The following CACNA1D variants were observed in gnomAD, a reference collection of about 807,000 sequenced individuals.
CACNA1D encodes the protein calcium voltage-gated channel subunit alpha1 D.
A neutral mutation model predicts 257.1 loss-of-function variants in CACNA1D; 55 were observed. That is an observed-to-expected ratio of 0.21 (90% CI 0.17 to 0.27). The LOEUF is 0.27. CACNA1D is among the 10% of genes least tolerant of loss of function. The pLI is 1.00. For missense variants in CACNA1D, 1,876 were observed against 2,784.0 expected (o/e 0.67, Z 7.34); for synonymous variants, 980 against 1,014.9 (o/e 0.97, Z 0.65).
At chr3:53,596,892 A>G (rs1423528967) in intron 3 of CACNA1D, among the ~76,000 whole-genome samples, 1 of 152,228 alleles carries the variant, frequency 6.6e-6, no homozygotes, top group African/African-American at 2.4e-5. Context: ...TCCTCTGGAT[A>G]TTAGTTGCTT....
intron 8 of CACNA1D, among the ~76,000 whole-genome samples, chr3:53,684,871 A>G (rs2094461551): frequency 6.6e-6 from 1 of 152,168 alleles, no homozygotes; most frequent in Non-Finnish European, 1.5e-5. Flanking sequence ...TTAAGGATGC[A>G]TATGATAATC....
chr3:53,739,367 C>A (rs1452669458), intron 20 of CACNA1D, among the ~76,000 whole-genome samples: 1 of 152,198 alleles, frequency 6.6e-6, no homozygotes, highest in African/African-American at 2.4e-5. Context: ...GTGGCCAAGA[C>A]CAACTCGCCT....
At chr3:53,728,652 A>G (rs1429790299) in intron 15 of CACNA1D, among the ~76,000 whole-genome samples, 1 of 152,224 alleles carries the variant, frequency 6.6e-6, no homozygotes. Context: ...TTGAATCTGC[A>G]GAGAAGTATT....
intron 3 of CACNA1D, among the ~76,000 whole-genome samples, chr3:53,614,590 A>C (rs530539359): frequency 6.6e-6 from 1 of 152,220 alleles, no homozygotes; most frequent in Non-Finnish European, 1.5e-5. Flanking sequence ...TTAAAGCGTC[A>C]CACTTTGCCA....
At chr3:53,698,046 T>C (rs1297486355) in intron 8 of CACNA1D, among the ~76,000 whole-genome samples, 3 of 152,240 alleles carry the variant, frequency 2.0e-5, no homozygotes, top group African/African-American at 7.2e-5. Context: ...CAGGCAGACC[T>C]AGGAAATATA....
At chr3:53,600,196 A>T (rs943636922) in intron 3 of CACNA1D, among the ~76,000 whole-genome samples, 1 of 152,252 alleles carries the variant, frequency 6.6e-6, no homozygotes, top group Non-Finnish European at 1.5e-5. Flanking sequence ...AGCATGTATC[A>T]TGAAGTTACT....
intron 9 of CACNA1D, among the ~76,000 whole-genome samples, chr3:53,705,138 C>G (rs1049756290): frequency 6.6e-6 from 1 of 152,080 alleles, no homozygotes; most frequent in Non-Finnish European, 1.5e-5. Context: ...AGAAGCTGAT[C>G]CCATTGTTAA....
intron 26 of CACNA1D, 132 bp downstream of exon 26, chr3:53,747,580 C>A: frequency 2.2e-6 from 2 of 893,424 alleles, no homozygotes; most frequent in South Asian, 1.4e-5. Context: ...AACCTTGGGC[C>A]ACTTCTCAGT....
At chr3:53,702,380 G>A (rs185533156) in intron 8 of CACNA1D, among the ~76,000 whole-genome samples, 1 of 152,296 alleles carries the variant, frequency 6.6e-6, no homozygotes, top group Non-Finnish European at 1.5e-5. Flanking sequence ...CCTTGAGATC[G>A]CTGTCATCGA....
chr3:53,795,466 A>G (rs988008540), intron 40 of CACNA1D, among the ~76,000 whole-genome samples: 2 of 152,228 alleles, frequency 1.3e-5, no homozygotes, highest in Non-Finnish European at 2.9e-5. Context: ...TGTCACAGGA[A>G]GAACAGGCTT....
At chr3:53,698,141 T>C (rs2094589089) in intron 8 of CACNA1D, among the ~76,000 whole-genome samples, 2 of 152,348 alleles carry the variant, frequency 1.3e-5, no homozygotes, top group East Asian at 1.9e-4. Flanking sequence ...AAATCAGACA[T>C]TGGAAATCAG....
intron 8 of CACNA1D, among the ~76,000 whole-genome samples, chr3:53,693,438 G>A (rs954221083): frequency 6.7e-6 from 1 of 150,370 alleles, no homozygotes; most frequent in African/African-American, 2.5e-5. Context: ...TTTTTAAATT[G>A]TGAAACATCA....
At chr3:53,564,365 T>G (rs2092796138) in intron 3 of CACNA1D, among the ~76,000 whole-genome samples, 1 of 152,190 alleles carries the variant, frequency 6.6e-6, no homozygotes, top group Non-Finnish European at 1.5e-5. Context: ...TTCCCCATGT[T>G]GGCCAGGCTG....
chr3:53,774,655 C>T lies in CACNA1D; in HGVS notation c.4179C>T (p.Pro1393=). 6.2e-7 allele frequency: 1 copy of T among 1,611,972 alleles called. No individual in the cohort carries two copies. Among genetic ancestry groups the T allele is most frequent in the Non-Finnish European group, 8.5e-7 (1 of 1,178,080 alleles). Residue 1393 remains proline, a synonymous_variant, in exon 34 of 48, where the codon CCC becomes CCT. Transcript: ENST00000350061. The surrounding 1 kb of genome is among the most constrained non-coding windows in gnomAD (Gnocchi z 4.3). ...GGAACAATAACTTCCAGACGTTTCCCCAGGCGGTGCTGCTGCTCTTCAGGT... is the reference window on the plus strand; with the variant it reads ...GGAACAATAACTTCCAGACGTTTCCTCAGGCGGTGCTGCTGCTCTTCAGGT... The part of the protein sequence containing the change: ...INRNNNFQTF[P]QAVLLLFRCA...
rs1486227183 is a variant in CACNA1D at position 53,639,013 on chromosome 3, C to T, written c.484-11766C>T. Among the ~76,000 whole-genome samples the T allele has an allele frequency of 2.0e-5, 3 of 152,198 alleles. No homozygotes were observed. In the South Asian group the frequency reaches 6.2e-4, roughly 32 times the overall value. ...GGACCAGGGTGGAGTTGTAGTTTTC[C>T]CCACCAGGTGGGTGGAGCCAGGTCT... On this transcript the variant is annotated intron_variant, in intron 3 of 47. Coordinates refer to ENST00000350061, the MANE Select transcript of CACNA1D (RefSeq NM_001128840.3).
rs574394446 is a variant in CACNA1D, at chr3:53,606,109, A to T, written c.484-44670A>T. Among the ~76,000 whole-genome samples, 54 of 152,356 alleles carry T rather than the reference A, an allele frequency of 3.5e-4. No individual in the cohort carries two copies. In the South Asian group the frequency reaches 0.011, roughly 31 times the overall value. On this transcript the variant is annotated intron_variant, in intron 3 of 47. Transcript: ENST00000350061. ...ACCATCAACTGTGTCAACAGACTGG[A>T]CCCAATAATAGGAACAAAGTGCTGA...
At chr3:53,671,720 AC>A (rs2094324967) in intron 7 of CACNA1D, among the ~76,000 whole-genome samples, 1 of 152,214 alleles carries the variant, frequency 6.6e-6, no homozygotes, top group African/African-American at 2.4e-5. Flanking sequence ...GACTTCAGCA[AC>A]AGATGTTAGG....
chr3:53,741,989 C>T (rs2095122699), intron 21 of CACNA1D, among the ~76,000 whole-genome samples: 1 of 152,098 alleles, frequency 6.6e-6, no homozygotes, highest in African/African-American at 2.4e-5. Flanking sequence ...AGTCATTCTT[C>T]ATTTTGAAGG....
At chr3:53,520,914 C>CT (rs768568261) in intron 3 of CACNA1D, among the ~76,000 whole-genome samples, 1 of 111,760 alleles carries the variant, frequency 8.9e-6, no homozygotes, top group African/African-American at 3.4e-5. Context: ...CTTTTCTTTT[C>CT]TTTTTCTTTC....
Sources: allele counts gnomAD v4.1 joint callset (sites outside exome capture counted in the v4.1 genomes callset), GRCh38; gene constraint gnomAD v4.1.1; non-coding constraint Gnocchi (gnomAD v3.1); transcripts MANE v1.5; gene names NCBI Gene and HGNC (gene_info 2026-07-23, HGNC 2026-07-21).